DIP2C: variants seen among roughly 807,000 people sequenced by gnomAD.
DIP2C encodes the protein DIP2 acetate--CoA ligase C (putative).
DIP2C carries 33 observed loss-of-function variants against 192.4 expected under a neutral mutation model. The observed-to-expected ratio is 0.17, with a 90% CI of 0.13 to 0.23. The LOEUF (loss-of-function observed/expected upper bound fraction) is 0.23, where lower values mean the gene tolerates loss of function less well. Ranked by LOEUF, DIP2C falls within the 10% of genes least tolerant of loss-of-function variation. The probability of loss-of-function intolerance (pLI) is 1.00; values close to 1 mark genes in which losing one functional copy is unlikely to be tolerated. For synonymous variants in DIP2C, 979 were observed against 864.1 expected (o/e 1.13, Z -2.33); for missense variants, 1,537 against 2,110.1 (o/e 0.73, Z 5.32).
intron 14 of DIP2C, among the ~76,000 whole-genome samples, chr10:384,948 G>T (rs1962752474): frequency 6.6e-6 from 1 of 151,544 alleles, no homozygotes. Context: ...CACGGGCCAG[G>T]AGGAGCAGCA....
At chr10:532,876 A>C (rs1291709154) in intron 1 of DIP2C, among the ~76,000 whole-genome samples, 1 of 152,114 alleles carries the variant, frequency 6.6e-6, no homozygotes, top group Non-Finnish European at 1.5e-5. Context: ...CTGCAGCCTC[A>C]ACCTCCCAGG....
At chr10:485,866 T>A (rs1843976345) in intron 2 of DIP2C, among the ~76,000 whole-genome samples, 1 of 152,220 alleles carries the variant, frequency 6.6e-6, no homozygotes, top group Admixed American at 6.5e-5. Context: ...GGAACTGAGG[T>A]GCTAGAATCC....
chr10:346,862 G>A lies in DIP2C; in HGVS notation c.3232-1752C>T, dbSNP rs1382719657. ...CGTAGTTCTCCCGGAAACGTCACAC[G>A]CACCCAGACACATCACGCGTAGTTC... On this transcript the variant is annotated intron_variant, in intron 26 of 36. Coordinates refer to ENST00000280886, the MANE Select transcript of DIP2C (RefSeq NM_014974.3). Among the ~76,000 whole-genome samples, 34 of 1,186 alleles carry A rather than the reference G, an allele frequency of 0.029. 17 individuals carry two copies. The Non-Finnish European group carries it at 0.76, about 27-fold the overall frequency. The allele number at this position is 1,186 out of a possible 152,430, so 0.8% of individuals were successfully genotyped here. A position where few individuals can be genotyped will look rare whatever the true frequency, so the allele number is the denominator to read the frequency against.
intron 1 of DIP2C, chr10:631,206 A>G (rs550048491): frequency 6.6e-6 from 1 of 152,390 alleles, no homozygotes; most frequent in African/African-American, 2.4e-5. Context: ...TCACATAATT[A>G]AATTATTTTA....
chr10:667,291 G>C (rs1468947520), intron 1 of DIP2C: 1 of 152,494 alleles, frequency 6.6e-6, no homozygotes, highest in Non-Finnish European at 1.5e-5. Context: ...AGAGACGAGA[G>C]AGGCAGATGG....
intron 1 of DIP2C, among the ~76,000 whole-genome samples, chr10:567,381 G>A (rs572977885): frequency 2.1e-4 from 32 of 152,052 alleles, no homozygotes; most frequent in Non-Finnish European, 4.3e-4. Context: ...TAGTAGAGAT[G>A]GGGTTTTACC....
At chr10:684,906 G>C (rs1445254437) in intron 1 of DIP2C, among the ~76,000 whole-genome samples, 1 of 151,938 alleles carries the variant, frequency 6.6e-6, no homozygotes. Context: ...GCTGAGGCAG[G>C]GGGATCACCT....
intron 4 of DIP2C, among the ~76,000 whole-genome samples, chr10:423,235 TTATA>T (rs1966332562): frequency 6.6e-6 from 1 of 152,226 alleles, no homozygotes; most frequent in African/African-American, 2.4e-5. Flanking sequence ...CCAACACACC[TTATA>T]TAAACATGCT....
chr10:525,798 A>G (rs1225764543), intron 1 of DIP2C, among the ~76,000 whole-genome samples: 2 of 152,222 alleles, frequency 1.3e-5, no homozygotes, highest in Admixed American at 6.5e-5. Flanking sequence ...TCAATGAGAC[A>G]GCCGGGCCTG....
At chr10:655,961 A>G (rs1016181755) in intron 1 of DIP2C, among the ~76,000 whole-genome samples, 1 of 152,072 alleles carries the variant, frequency 6.6e-6, no homozygotes, top group East Asian at 1.9e-4. Flanking sequence ...GCTACCCTAT[A>G]TAACGCTATA....
At chr10:434,680 A>C (rs1033745832) in intron 4 of DIP2C, among the ~76,000 whole-genome samples, 1 of 151,552 alleles carries the variant, frequency 6.6e-6, no homozygotes, top group Non-Finnish European at 1.5e-5. Context: ...CAAATTTCTC[A>C]ATTTTTCTCT....
At chr10:409,579 G>C (rs890625969) in intron 8 of DIP2C, among the ~76,000 whole-genome samples, 1 of 152,232 alleles carries the variant, frequency 6.6e-6, no homozygotes, top group African/African-American at 2.4e-5. Flanking sequence ...CAGAAACCGC[G>C]GGGAAGGTTG....
chr10:340,044 G>C (rs945061907), intron 29 of DIP2C, among the ~76,000 whole-genome samples: 5 of 152,094 alleles, frequency 3.3e-5, no homozygotes, highest in African/African-American at 1.2e-4. Flanking sequence ...AGCAGGGCGT[G>C]GTGGCAGGCA....
chr10:609,559 C>T (rs564105295), intron 1 of DIP2C, among the ~76,000 whole-genome samples: 2 of 152,286 alleles, frequency 1.3e-5, no homozygotes, highest in South Asian at 4.1e-4. Flanking sequence ...CAATGTAAGT[C>T]ATCTCCTTTA....
At chr10:372,262 ACG>A (rs1491090800) in intron 17 of DIP2C, among the ~76,000 whole-genome samples, 1 of 152,004 alleles carries the variant, frequency 6.6e-6, no homozygotes, top group Non-Finnish European at 1.5e-5. Context: ...ATTAGTAGAG[ACG>A]GGGTTTCACC....
At chr10:316,671 C>A (rs568136319) in intron 31 of DIP2C, among the ~76,000 whole-genome samples, 1 of 152,290 alleles carries the variant, frequency 6.6e-6, no homozygotes, top group East Asian at 1.9e-4. Context: ...CGGGAGCCAG[C>A]GGCTTTCCTG....
Position 649,929 on chromosome 10 carries a change from G to A in DIP2C, c.85+39565C>T, listed in dbSNP as rs567454292. ...CGTCACCTGCGTCCCCGTGCGTCAC[G>A]GCGTTGCCGCACACCATTAACACAT... is the stretch of plus-strand genomic sequence containing the variant. On this transcript the variant is annotated intron_variant, in intron 1 of 36. Transcript: ENST00000280886. The A allele has an allele frequency of 2.6e-4, 153 of 587,494 alleles. 5 individuals carry two copies. The South Asian group carries it at 2.8e-3, about 11-fold the overall frequency. The allele number at this position is 587,494 out of a possible 1,614,324, so 36.4% of individuals were successfully genotyped here. A position where few individuals can be genotyped will look rare whatever the true frequency, so the allele number is the denominator to read the frequency against.
chr10:280,501 C>T (rs1484008929), intron 36 of DIP2C, among the ~76,000 whole-genome samples: 2 of 151,776 alleles, frequency 1.3e-5, no homozygotes, highest in Non-Finnish European at 2.9e-5. Context: ...CTGTAAAACT[C>T]CCCGGCCCTG....
In DIP2C at chr10:484,516, C is replaced by T. The variant is rs79785755; in HGVS notation, c.157+1943G>A. ...GTCACGCATTCTTCTTAAGTGTTTT[C>T]TAAGTGGTGCCCAACTGAGAAAGGG... On this transcript the variant is annotated intron_variant, in intron 2 of 36. Coordinates refer to ENST00000280886, the MANE Select transcript of DIP2C (RefSeq NM_014974.3). 2.7e-3 allele frequency among the ~76,000 whole-genome samples: 412 copies of T among 152,298 alleles called. 2 individuals carry two copies. The highest frequency in any genetic ancestry group is 9.3e-3 in the African/African-American group (386 of 41,562).
Sources: gnomAD v4.1 joint callset for allele counts (sites outside exome capture counted in the v4.1 genomes callset) on GRCh38, gnomAD v4.1.1 for gene constraint, MANE v1.5 for transcripts, NCBI Gene and HGNC (gene_info 2026-07-23, HGNC 2026-07-21) for gene names.